The following KLK5 variants were observed in gnomAD, a reference collection of about 807,000 sequenced individuals.
KLK5 encodes kallikrein-5.
In KLK5, 18 loss-of-function variants were observed where a neutral mutation model predicts 24.0. The ratio of observed to expected loss-of-function variants is 0.75; its 90% confidence interval spans 0.52 to 1.11. The LOEUF is 1.11. Among genes scored for constraint, KLK5 ranks in the 50% most tolerant of loss-of-function variants. The pLI is 0.00. For missense variants in KLK5, 374 were observed against 379.2 expected (o/e 0.99, Z 0.11); for synonymous variants, 140 against 154.0 (o/e 0.91, Z 0.67).
intron 2 of KLK5, 25 bp from the exon 3 acceptor site, chr19:50,950,141 GGGGCTCAGAGGC>G: frequency 5.3e-6 from 8 of 1,518,378 alleles, no homozygotes; most frequent in Non-Finnish European, 7.2e-6. Context: ...TGGGTTGGGC[GGGGCTCAGAGGC>G]GGGGCTTGGG....
Position 50,950,057 on chromosome 19 carries a change from C to T in KLK5, c.133G>A (p.Gly45Arg). 6.2e-7 allele frequency: 1 copy of T among 1,613,768 alleles called. No individual in the cohort carries two copies. Among genetic ancestry groups the T allele is most frequent in the African/African-American group, 1.3e-5 (1 of 74,972 alleles). The part of the protein sequence containing the change: ...CDHPSNTVPS[G>R]SNQDLGAGAG... The stretch of plus-strand genomic sequence containing the variant: ...CCAGCTCCCAGGTCCTGGTTGCTCC[C>T]AGAGGGCACGGTGTTAGAGGGGTGG... The change falls in exon 3 of 6, where the codon GGG (glycine) becomes AGG (arginine). Residue 45 changes from glycine to arginine, a missense_variant. Transcript: ENST00000336334.
At chr19:50,943,926 G>A in intron 5 of KLK5, 140 bp from the exon 6 acceptor site, 1 of 580,288 alleles carries the variant, frequency 1.7e-6, no homozygotes, top group Non-Finnish European at 2.9e-6. Flanking sequence ...CAGAGATGAA[G>A]AAATGCAGAA....
At position 50,946,678 on chromosome 19, in the gene KLK5, G is replaced by A. The variant is rs2090638277; in HGVS notation, c.726+1962C>T. Among the ~76,000 whole-genome samples, 4 of 151,962 alleles carry A rather than the reference G, an allele frequency of 2.6e-5. No individual in the cohort carries two copies. The South Asian group carries it at 8.3e-4, about 31-fold the overall frequency. The stretch of plus-strand genomic sequence containing the variant: ...GGGTTCAGGCCATTCTCCTGCCTCA[G>A]CCTCCCGAGTAGCTGGGACTACAGG... On this transcript the variant is annotated intron_variant, in intron 5 of 5. Coordinates refer to ENST00000336334, the MANE Select transcript of KLK5 (RefSeq NM_012427.5).
At chr19:50,951,474 G>A (rs1197539455) in intron 2 of KLK5, among the ~76,000 whole-genome samples, 3 of 152,004 alleles carry the variant, frequency 2.0e-5, no homozygotes, top group African/African-American at 4.8e-5. Context: ...GGTTCTCCAT[G>A]TTGGTCAGGC....
rs1173610008 is a variant in KLK5 at position 50,950,058 on chromosome 19, A to T, written c.132T>A (p.Ser44=). 36 of 1,613,430 alleles carry T rather than the reference A, an allele frequency of 2.2e-5. No homozygotes were observed. The highest frequency in any genetic ancestry group is 3.1e-5 in the Non-Finnish European group (36 of 1,179,904). Residue 44 remains serine (S), a synonymous_variant, in exon 3 of 6, where the codon TCT becomes TCA. Coordinates refer to ENST00000336334, the MANE Select transcript of KLK5 (RefSeq NM_012427.5). The part of the protein sequence containing the change: ...SCDHPSNTVP[S]GSNQDLGAGA... ...CAGCTCCCAGGTCCTGGTTGCTCCC[A>T]GAGGGCACGGTGTTAGAGGGGTGGT...
intron 3 of KLK5, 38 bp downstream of exon 3, chr19:50,949,817 C>T: frequency 2.0e-6 from 3 of 1,487,504 alleles, no homozygotes; most frequent in Non-Finnish European, 2.8e-6. Flanking sequence ...CCCCACTTCC[C>T]CGTCCCCACC....
intron 3 of KLK5, 146 bp from the exon 4 acceptor site, chr19:50,949,261 C>A: frequency 1.4e-6 from 1 of 703,782 alleles, no homozygotes; most frequent in Non-Finnish European, 2.3e-6. Flanking sequence ...GGTCTCCAAT[C>A]CCATGCCTGT....
At chr19:50,949,773 CATGACA>C in intron 3 of KLK5, 76 bp downstream of exon 3, 5 of 896,712 alleles carry the variant, frequency 5.6e-6, no homozygotes, top group Admixed American at 2.5e-5. Context: ...CCCTCACCTC[CATGACA>C]CCCCCACCCC....
Position 50,943,918 on chromosome 19 carries a change from G to A in KLK5, c.727-132C>T, listed in dbSNP as rs2232538. ...CAGACACACAGAGATGGAAAGTACAGAGATGAAGAAATGCAGAAAAAGACA... is the reference window on the plus strand; with the variant it reads ...CAGACACACAGAGATGGAAAGTACAAAGATGAAGAAATGCAGAAAAAGACA... On this transcript the variant is annotated intron_variant, in intron 5 of 5. Coordinates refer to ENST00000336334, the MANE Select transcript of KLK5 (RefSeq NM_012427.5). 3.7e-3 allele frequency: 2,266 copies of A among 618,828 alleles called. 40 individuals are homozygous for A. Among genetic ancestry groups the A allele is most frequent in the African/African-American group, 0.036 (1,928 of 53,984 alleles). The allele number at this position is 618,828 out of a possible 1,614,324, so 38.3% of individuals were successfully genotyped here.
chr19:50,951,667 C>A (rs1185200208), intron 2 of KLK5, among the ~76,000 whole-genome samples: 2 of 152,210 alleles, frequency 1.3e-5, no homozygotes, highest in Non-Finnish European at 2.9e-5. Flanking sequence ...CAAGCACGCA[C>A]GCAGTTCTGC....
intron 1 of KLK5, 31 bp from the exon 2 acceptor site, chr19:50,952,699 C>T: frequency 6.6e-7 from 1 of 1,505,714 alleles, no homozygotes; most frequent in East Asian, 2.4e-5. Context: ...GGTTGGGAGG[C>T]CCAGGCGATC....
At position 50,943,513 on chromosome 19, in the gene KLK5, C is replaced by T; in HGVS notation, c.*118G>A. The T allele has an allele frequency of 1.0e-6, 1 of 973,040 alleles. No individual in the cohort carries two copies. The highest frequency in any genetic ancestry group is 1.6e-6 in the Non-Finnish European group (1 of 632,470). The allele number at this position is 973,040 out of a possible 1,614,324, so 60.3% of individuals were successfully genotyped here. A position where few individuals can be genotyped will look rare whatever the true frequency, so the allele number is the denominator to read the frequency against. On this transcript the variant is annotated 3_prime_UTR_variant, in exon 6 of 6. Coordinates refer to ENST00000336334, the MANE Select transcript of KLK5 (RefSeq NM_012427.5). ...ACCCTGAGTCCAGGAGACATGGGGTCAGGGGCTGGAGAGATGAACATTCTC... is the reference window on the plus strand; with the variant it reads ...ACCCTGAGTCCAGGAGACATGGGGTTAGGGGCTGGAGAGATGAACATTCTC...
intron 5 of KLK5, among the ~76,000 whole-genome samples, chr19:50,945,172 A>G (rs1406597543): frequency 6.6e-6 from 1 of 150,378 alleles, no homozygotes. Flanking sequence ...GCAGCAGTGC[A>G]GTCATGGCTT....
At chr19:50,946,774 T>C (rs190152576) in intron 5 of KLK5, among the ~76,000 whole-genome samples, 5 of 152,192 alleles carry the variant, frequency 3.3e-5, no homozygotes, top group Admixed American at 2.6e-4. Flanking sequence ...TCAGCCAGGA[T>C]GGTCTCCATC....
chr19:50,952,559 C>T (rs1464870718), intron 2 of KLK5, 26 bp downstream of exon 2: 3 of 1,540,306 alleles, frequency 1.9e-6, no homozygotes, highest in Admixed American at 1.8e-5. Context: ...AATCCCACAA[C>T]CCTCCCACCC....
At position 50,943,730 on chromosome 19, in the gene KLK5, C is replaced by G; in HGVS notation, c.783G>C (p.Trp261Cys). 6.2e-7 allele frequency: 1 copy of G among 1,613,870 alleles called. No homozygotes were observed. Among genetic ancestry groups the G allele is most frequent in the Non-Finnish European group, 8.5e-7 (1 of 1,179,914 alleles). ...TGGGCCGGGCACAAGGGTAATCTCC[C>G]CAGGACACGAGTCCCTGCAGGGAGC... ...CNGSLQGLVS[W>C]GDYPCARPNR... The change falls in exon 6 of 6, where the codon TGG becomes TGC. Residue 261 changes from tryptophan (W) to cysteine (C), a missense_variant. Coordinates refer to ENST00000336334, the MANE Select transcript of KLK5 (RefSeq NM_012427.5).
Position 50,949,062 on chromosome 19 carries a change from C to T in KLK5, c.389G>A (p.Gly130Glu). ...HYSLSPVYES[G>E]QQMFQGVKSI... Reference sequence around the variant, plus strand: ...TTTGACCCCCTGGAACATCTGCTGCCCAGATTCATAAACTGGTGACAGGGA... The same window carrying T: ...TTTGACCCCCTGGAACATCTGCTGCTCAGATTCATAAACTGGTGACAGGGA... The change falls in exon 4 of 6, where the codon GGG (glycine) becomes GAG (glutamate). Residue 130 changes from glycine (G) to glutamate (E), a missense_variant. Gly to Glu is a moderately conservative substitution (Grantham distance 98, BLOSUM62 -2). Coordinates refer to ENST00000336334, the MANE Select transcript of KLK5 (RefSeq NM_012427.5). 6.2e-7 allele frequency: 1 copy of T among 1,613,678 alleles called. No individual in the cohort carries two copies. Among genetic ancestry groups the T allele is most frequent in the Admixed American group, 1.7e-5 (1 of 59,978 alleles).
chr19:50,950,318 T>A, intron 2 of KLK5: 1 of 603,216 alleles, frequency 1.7e-6, no homozygotes, highest in Non-Finnish European at 2.9e-6. Context: ...GTAGGGTTAC[T>A]GGACTCTAAC....
chr19:50,949,944 G>A lies in KLK5; in HGVS notation c.246C>T (p.Ala82=), dbSNP rs141786164. The A allele has an allele frequency of 7.1e-5, 115 of 1,613,680 alleles. No homozygotes were observed. In the African/African-American group the frequency reaches 1.3e-3, roughly 18 times the overall value. Residue 82 remains alanine (A), a synonymous_variant, in exon 3 of 6, where the codon GCC becomes GCT. Transcript: ENST00000336334. ...DCDMHTQPWQ[A]ALLLRPNQLY... ...GCTGGTTGGGCCTTAGCAACAGCGC[G>A]GCCTGCCACGGCTGGGTGTGCATAT...
Sources: allele counts gnomAD v4.1 joint callset (sites outside exome capture counted in the v4.1 genomes callset), GRCh38; gene constraint gnomAD v4.1.1; transcripts MANE v1.5; gene names NCBI Gene and HGNC (gene_info 2026-07-23, HGNC 2026-07-21).